PPAT: variants seen among roughly 807,000 people sequenced by gnomAD.
PPAT encodes the protein amidophosphoribosyltransferase.
In PPAT, 20 loss-of-function variants were observed where a neutral mutation model predicts 60.2. The observed-to-expected ratio is 0.33, with a 90% confidence interval of 0.23 to 0.48. The LOEUF (loss-of-function observed/expected upper bound fraction) is 0.48. Among genes scored for constraint, PPAT ranks in the 20% least tolerant of loss-of-function variants. The pLI is 0.99. For synonymous variants in PPAT, 194 were observed against 215.1 expected, an observed-to-expected ratio of 0.90 and a Z score of 0.86; for missense variants, 349 against 629.6, an observed-to-expected ratio of 0.55 and a Z score of 4.77.
chr4:56,414,909 C>T (rs1317763436), intron 1 of PPAT, among the ~76,000 whole-genome samples: 1 of 152,096 alleles, frequency 6.6e-6, no homozygotes, highest in African/African-American at 2.4e-5. Flanking sequence ...ATTATAAAAC[C>T]TGATTTAAAA....
chr4:56,407,322 TC>T (rs1289730084), intron 2 of PPAT, among the ~76,000 whole-genome samples: 1 of 152,012 alleles, frequency 6.6e-6, no homozygotes, highest in Non-Finnish European at 1.5e-5. Context: ...CTTTTTTCTT[TC>T]TTTTTTTTTT....
At chr4:56,399,663 G>A (rs966427402) in intron 8 of PPAT, 12 of 278,420 alleles carry the variant, frequency 4.3e-5, no homozygotes, top group Admixed American at 1.0e-4. Flanking sequence ...ATGAAGACAT[G>A]ACAAAGATTA....
intron 1 of PPAT, chr4:56,425,409 C>T: frequency 1.1e-6 from 1 of 940,468 alleles, no homozygotes; most frequent in Admixed American, 6.2e-5. Context: ...ACTAAAACTT[C>T]AGAAAACCGA....
chr4:56,424,091 T>C, intron 1 of PPAT, among the ~76,000 whole-genome samples: 1 of 152,240 alleles, frequency 6.6e-6, no homozygotes, highest in Non-Finnish European at 1.5e-5. Flanking sequence ...TGATGAATTT[T>C]TGAAATTGGA....
intron 1 of PPAT, among the ~76,000 whole-genome samples, chr4:56,431,837 T>C (rs946484481): frequency 2.0e-5 from 3 of 152,248 alleles, no homozygotes; most frequent in Non-Finnish European, 2.9e-5. Flanking sequence ...CTCCGCAAAC[T>C]ACTGAAATGA....
At chr4:56,405,689 AAAGGGCATGG>A (rs1343745413) in intron 3 of PPAT, among the ~76,000 whole-genome samples, 1 of 152,216 alleles carries the variant, frequency 6.6e-6, no homozygotes. Context: ...GTGCCCCTGG[AAAGGGCATGG>A]AAGCTCCACA....
chr4:56,422,403 G>A (rs1717082297), intron 1 of PPAT: 1 of 151,330 alleles, frequency 6.6e-6, no homozygotes, highest in Non-Finnish European at 1.5e-5. Flanking sequence ...TCAGTAATAA[G>A]TCAGAAGACA....
intron 1 of PPAT, chr4:56,425,433 T>C (rs1299700322): frequency 5.4e-6 from 5 of 933,686 alleles, no homozygotes; most frequent in Non-Finnish European, 6.4e-6. Context: ...CTTACAAATG[T>C]GAAAAAAGAA....
intron 1 of PPAT, among the ~76,000 whole-genome samples, chr4:56,430,058 C>G (rs1717501252): frequency 6.6e-6 from 1 of 152,078 alleles, no homozygotes; most frequent in Non-Finnish European, 1.5e-5. Flanking sequence ...CTCAGGAGTT[C>G]AAGACCAGTC....
At chr4:56,417,949 C>T (rs1044266575) in intron 1 of PPAT, among the ~76,000 whole-genome samples, 1 of 151,014 alleles carries the variant, frequency 6.6e-6, no homozygotes, top group African/African-American at 2.4e-5. Context: ...AAGCGATTCT[C>T]CTGCCTCAGC....
intron 1 of PPAT, chr4:56,419,888 A>T: frequency 1.0e-6 from 1 of 984,520 alleles, no homozygotes; most frequent in Non-Finnish European, 1.2e-6. Context: ...AGATCGTAAG[A>T]ACAGCTCAAG....
chr4:56,395,634 A>G (rs564877775), intron 10 of PPAT, 86 bp from the exon 11 acceptor site: 3 of 977,130 alleles, frequency 3.1e-6, no homozygotes, highest in Middle Eastern at 2.8e-4. Context: ...TACAAACAGA[A>G]TAATTTAAGC....
At chr4:56,433,550 A>AG (rs1717719069) in intron 1 of PPAT, among the ~76,000 whole-genome samples, 1 of 151,974 alleles carries the variant, frequency 6.6e-6, no homozygotes, top group East Asian at 1.9e-4. Context: ...GGAAGGAGAA[A>AG]GGGGGATGAA....
chr4:56,395,563 A>G lies in PPAT; in HGVS notation c.1358-15T>C, dbSNP rs201443229. 1.0e-4 allele frequency: 153 copies of G among 1,493,284 alleles called. No individual in the cohort carries two copies. In the East Asian group the frequency reaches 3.9e-3, roughly 38 times the overall value. The allele number at this position is 1,493,284 out of a possible 1,614,324, so 92.5% of individuals were successfully genotyped here. On this transcript the variant is annotated splice_polypyrimidine_tract_variant and intron_variant, in intron 10 of 10. Transcript: ENST00000264220. ...ACTGTTTGCTCCTAAAGAAAGAGGG[A>G]AAAATAAAAATGTAATAAGAATTCC...
chr4:56,419,889 A>C (rs1716953051), intron 1 of PPAT: 1 of 984,442 alleles, frequency 1.0e-6, no homozygotes, highest in Non-Finnish European at 1.2e-6. Context: ...GATCGTAAGA[A>C]CAGCTCAAGA....
chr4:56,434,144 T>C (rs1717765145), intron 1 of PPAT, among the ~76,000 whole-genome samples: 1 of 152,220 alleles, frequency 6.6e-6, no homozygotes, highest in Non-Finnish European at 1.5e-5. Flanking sequence ...TATCCAAGAT[T>C]GGAGCTACGC....
At chr4:56,395,570 A>G (rs1179184336) in intron 10 of PPAT, 22 bp from the exon 11 acceptor site, 1 of 1,478,694 alleles carries the variant, frequency 6.8e-7, no homozygotes, top group African/African-American at 1.5e-5. Flanking sequence ...GGGAAAAATA[A>G]AAATGTAATA....
intron 1 of PPAT, among the ~76,000 whole-genome samples, chr4:56,412,812 G>T (rs1161484562): frequency 3.9e-5 from 6 of 151,922 alleles, no homozygotes; most frequent in African/African-American, 1.5e-4. Flanking sequence ...CTCTTTACCG[G>T]GCTCCCTAGT....
intron 3 of PPAT, 71 bp downstream of exon 3, chr4:56,406,424 C>A (rs1301768885): frequency 3.4e-6 from 5 of 1,488,542 alleles, no homozygotes; most frequent in Non-Finnish European, 4.6e-6. Flanking sequence ...TTACAAAGAT[C>A]CTTAACTTTT....
Sources: gnomAD v4.1 joint callset for allele counts (sites outside exome capture counted in the v4.1 genomes callset) on GRCh38, gnomAD v4.1.1 for gene constraint, MANE v1.5 for transcripts, NCBI Gene and HGNC (gene_info 2026-07-23, HGNC 2026-07-21) for gene names.